DENND5B: variants seen among roughly 807,000 people sequenced by gnomAD.
DENND5B encodes DENN domain-containing protein 5B.
Under a neutral mutation model 140.6 loss-of-function variants are expected in DENND5B, and 34 were observed. That is an observed-to-expected ratio of 0.24 (90% CI 0.18 to 0.32). The LOEUF (loss-of-function observed/expected upper bound fraction) is 0.32. DENND5B is among the 10% of genes least tolerant of loss of function. The probability of loss-of-function intolerance (pLI) is 1.00; values close to 1 mark genes in which losing one functional copy is unlikely to be tolerated. For missense variants in DENND5B, 1,142 were observed against 1,560.2 expected, an observed-to-expected ratio of 0.73 and a Z score of 4.52; for synonymous variants, 551 against 562.1, an observed-to-expected ratio of 0.98 and a Z score of 0.28.
intron 1 of DENND5B, among the ~76,000 whole-genome samples, chr12:31,516,468 ACC>A (rs1947651211): frequency 1.4e-5 from 2 of 138,294 alleles, no homozygotes; most frequent in Non-Finnish European, 3.1e-5. Context: ...TAAGAGTGAG[ACC>A]CTGTCTCAAA....
At chr12:31,463,704 C>T (rs185830675) in intron 3 of DENND5B, among the ~76,000 whole-genome samples, 1 of 152,198 alleles carries the variant, frequency 6.6e-6, no homozygotes, top group Admixed American at 6.5e-5. Flanking sequence ...TCTTGCTGCC[C>T]AGGCTGGAGC....
At chr12:31,409,227 C>T (rs1464248817) in intron 14 of DENND5B, 36 bp downstream of exon 14, 1 of 1,534,032 alleles carries the variant, frequency 6.5e-7, no homozygotes, top group East Asian at 2.4e-5. Context: ...CATTGGTCAC[C>T]TCAGTAACCC....
intron 1 of DENND5B, among the ~76,000 whole-genome samples, chr12:31,519,555 T>C (rs1947800102): frequency 6.6e-6 from 1 of 152,188 alleles, no homozygotes; most frequent in South Asian, 2.1e-4. Flanking sequence ...TCTAATACAT[T>C]GTTAGTAACT....
rs1449914524 is a variant in DENND5B at position 31,479,647 on chromosome 12, G to C, written c.846C>G (p.Asn282Lys). 1 of 1,549,702 alleles carries C rather than the reference G, an allele frequency of 6.5e-7. No individual in the cohort carries two copies. The highest frequency in any genetic ancestry group is 1.4e-5 in the African/African-American group (1 of 73,000). Residue 282 changes from asparagine (N) to lysine (K), a missense_variant, in exon 3 of 21, where the codon AAC becomes AAG. Asn to Lys is a moderately conservative substitution (Grantham distance 94). Coordinates refer to ENST00000389082, the MANE Select transcript of DENND5B (RefSeq NM_144973.4). ...REAFELLGLE[N>K]LVQVFTCVLL... ...GAACACAGGTAAACACCTGCACCAG[G>C]TTCTCTAATCCCAGGAGCTCAAATG...
Position 31,423,655 on chromosome 12 carries a change from T to C in DENND5B, c.2412A>G (p.Ser804=). ...QVKQGKSALW[S]HLIQFQDREE... ...CTCTGTCCTGAAATTGAATTAAATG[T>C]GACCACAAAGCCGACTTCCCCTGAA... is the stretch of plus-strand genomic sequence containing the variant. Residue 804 remains serine (S), a synonymous_variant, in exon 11 of 21, where the codon TCA becomes TCG. Transcript: ENST00000389082. 6.2e-7 allele frequency: 1 copy of C among 1,613,930 alleles called. No homozygotes were observed. The highest frequency in any genetic ancestry group is 1.6e-4 in the Middle Eastern group (1 of 6,062).
rs1291045737 is a variant in DENND5B at position 31,399,134 on chromosome 12, AAAAAAAAAAAAGAG to A, written c.3068+506_3068+519del. 1.7e-3 allele frequency among the ~76,000 whole-genome samples: 240 copies of A among 143,780 alleles called. 24 individuals are homozygous for A. Among genetic ancestry groups the A allele is most frequent in the African/African-American group, 6.0e-3 (229 of 38,486 alleles). The allele number at this position is 143,780 out of a possible 152,430, so 94.3% of individuals were successfully genotyped here. The stretch of plus-strand genomic sequence containing the variant: ...TGAAACTCTGTCTCAGCCCAAAAAA[AAAAAAAAAAAAGAG>A]AGAGAAAGAAAAAAAAAAGTTTTTT... On this transcript the variant is annotated intron_variant, in intron 16 of 20. Coordinates refer to ENST00000389082, the MANE Select transcript of DENND5B (RefSeq NM_144973.4).
rs1399715598 is a variant in DENND5B, at chr12:31,399,763, A to G, written c.2959T>C (p.Leu987=). 1.2e-6 allele frequency: 2 copies of G among 1,613,508 alleles called. No individual in the cohort carries two copies. Among genetic ancestry groups the G allele is most frequent in the South Asian group, 2.2e-5 (2 of 90,934 alleles). ...LLEMTFECQN[L]GKLTTVQIGH... Reference sequence around the variant, plus strand: ...ATCTGAACAGTGGTCAGCTTCCCCAAGTTCTGGCACTGTAGGGACAGGACC... The same window carrying G: ...ATCTGAACAGTGGTCAGCTTCCCCAGGTTCTGGCACTGTAGGGACAGGACC... The change falls in exon 16 of 21, where the codon TTG becomes CTG. Residue 987 remains leucine (L), a synonymous_variant. Coordinates refer to ENST00000389082, the MANE Select transcript of DENND5B (RefSeq NM_144973.4).
At chr12:31,440,670 T>C (rs985418543) in intron 7 of DENND5B, among the ~76,000 whole-genome samples, 4 of 152,128 alleles carry the variant, frequency 2.6e-5, no homozygotes, top group African/African-American at 9.7e-5. Flanking sequence ...GGGTTTTTTG[T>C]TTTTTTGAAA....
At chr12:31,551,753 G>C (rs952259034) in intron 1 of DENND5B, among the ~76,000 whole-genome samples, 3 of 152,140 alleles carry the variant, frequency 2.0e-5, no homozygotes, top group African/African-American at 7.2e-5. Context: ...GCAGTGGTTT[G>C]TAGTTCTCCT....
At chr12:31,509,077 A>G (rs1947311891) in intron 1 of DENND5B, among the ~76,000 whole-genome samples, 1 of 152,174 alleles carries the variant, frequency 6.6e-6, no homozygotes. Flanking sequence ...GGGAAAAACA[A>G]AGTCTTCCTT....
intron 1 of DENND5B, among the ~76,000 whole-genome samples, chr12:31,527,306 T>C (rs1202719649): frequency 6.6e-6 from 1 of 151,962 alleles, no homozygotes; most frequent in Non-Finnish European, 1.5e-5. Context: ...GCAAAGATCA[T>C]AAGACAGGAG....
chr12:31,477,101 A>C (rs1156783948), intron 3 of DENND5B, among the ~76,000 whole-genome samples: 1 of 151,466 alleles, frequency 6.6e-6, no homozygotes, highest in Admixed American at 6.6e-5. Context: ...GGTGGTGCGC[A>C]CCCATAGTCC....
rs141561233 is a variant in DENND5B at position 31,533,368 on chromosome 12, T to C, written c.128-37449A>G. Among the ~76,000 whole-genome samples the C allele has an allele frequency of 3.6e-3, 541 of 152,360 alleles. 10 individuals are homozygous for C. The East Asian group carries it at 0.05, about 14-fold the overall frequency. Reference sequence around the variant, plus strand: ...ATTGTATTAGCTATTGTAAGTAATCTAGAAATCATTTTTGTTGTTAAAACT... The same window carrying C: ...ATTGTATTAGCTATTGTAAGTAATCCAGAAATCATTTTTGTTGTTAAAACT... On this transcript the variant is annotated intron_variant, in intron 1 of 20. Transcript: ENST00000389082.
At chr12:31,554,573 C>G (rs1309542456) in intron 1 of DENND5B, among the ~76,000 whole-genome samples, 1 of 152,226 alleles carries the variant, frequency 6.6e-6, no homozygotes, top group African/African-American at 2.4e-5. Flanking sequence ...GTATCTTTGT[C>G]GCGTCCTCTG....
At chr12:31,526,111 G>A (rs944545094) in intron 1 of DENND5B, among the ~76,000 whole-genome samples, 33 of 152,088 alleles carry the variant, frequency 2.2e-4, no homozygotes, top group African/African-American at 8.0e-4. Context: ...TGTCAAACCA[G>A]TTGTTATTAC....
chr12:31,492,843 G>A (rs1264094957), intron 2 of DENND5B, among the ~76,000 whole-genome samples: 2 of 152,202 alleles, frequency 1.3e-5, no homozygotes, highest in South Asian at 4.1e-4. Flanking sequence ...CTATAGTAGA[G>A]TCTTCACCAA....
intron 1 of DENND5B, among the ~76,000 whole-genome samples, chr12:31,577,242 G>A (rs1051122995): frequency 1.2e-4 from 19 of 152,122 alleles, no homozygotes; most frequent in African/African-American, 4.3e-4. Context: ...GACAGAGTAT[G>A]TTGTACTAGA....
In DENND5B at chr12:31,442,834, C is replaced by T. The variant is rs1944096247; in HGVS notation, c.1953G>A (p.Glu651=). The T allele has an allele frequency of 1.9e-6, 3 of 1,613,608 alleles. No homozygotes were observed. The highest frequency in any genetic ancestry group is 1.7e-5 in the Admixed American group (1 of 59,978). The change falls in exon 7 of 21, where the codon GAG becomes GAA. Residue 651 remains glutamate, a synonymous_variant. Transcript: ENST00000389082. Reference sequence around the variant, plus strand: ...ACTGTAACTTTGGAAAGAACCCCTGCTCATATTTGCCTTGACCAATTTTCA... The same window carrying T: ...ACTGTAACTTTGGAAAGAACCCCTGTTCATATTTGCCTTGACCAATTTTCA... The part of the protein sequence containing the change: ...LDMKIGQGKY[E]QGFFPKLQSD...
At chr12:31,521,681 A>G (rs981364526) in intron 1 of DENND5B, among the ~76,000 whole-genome samples, 2 of 152,106 alleles carry the variant, frequency 1.3e-5, no homozygotes, top group Non-Finnish European at 2.9e-5. Context: ...CATCCAAACC[A>G]TTAAACCAAG....
Sources: gnomAD v4.1 joint callset for allele counts (sites outside exome capture counted in the v4.1 genomes callset) on GRCh38, gnomAD v4.1.1 for gene constraint, MANE v1.5 for transcripts, NCBI Gene and HGNC (gene_info 2026-07-23, HGNC 2026-07-21) for gene names.